Variants in MTUS2 observed in about 807,000 individuals in gnomAD.
MTUS2 encodes the protein microtubule-associated tumor suppressor candidate 2.
Under a neutral mutation model 114.1 loss-of-function variants are expected in MTUS2, and 40 were observed. The observed-to-expected ratio is 0.35, with a 90% CI of 0.27 to 0.46. The LOEUF (loss-of-function observed/expected upper bound fraction) is 0.46. Among genes scored for constraint, MTUS2 ranks in the 20% least tolerant of loss-of-function variants. MTUS2 has a pLI of 1.00. For synonymous variants in MTUS2, 688 were observed against 672.0 expected, an observed-to-expected ratio of 1.02 and a Z score of -0.37; for missense variants, 1,679 against 1,705.4, an observed-to-expected ratio of 0.98 and a Z score of 0.27.
At chr13:28,935,865 A>G (rs369792663) in intron 2 of MTUS2, among the ~76,000 whole-genome samples, 1 of 151,496 alleles carries the variant, frequency 6.6e-6, no homozygotes, top group Middle Eastern at 3.2e-3. Context: ...TCTTACCTCA[A>G]CCTCCTGAGT....
intron 4 of MTUS2, among the ~76,000 whole-genome samples, chr13:29,071,670 C>A (rs2138691128): frequency 6.6e-6 from 1 of 152,026 alleles, no homozygotes; most frequent in East Asian, 1.9e-4. Flanking sequence ...TCATGATCCG[C>A]CCGCTTTGGC....
At chr13:29,340,973 A>G (rs1488273361) in intron 7 of MTUS2, among the ~76,000 whole-genome samples, 6 of 152,072 alleles carry the variant, frequency 3.9e-5, no homozygotes, top group African/African-American at 9.7e-5. Context: ...TGTGAATGCC[A>G]TTATTTCTTT....
At chr13:29,059,008 T>C (rs760385876) in intron 4 of MTUS2, among the ~76,000 whole-genome samples, 1 of 152,144 alleles carries the variant, frequency 6.6e-6, no homozygotes, top group Non-Finnish European at 1.5e-5. Context: ...TTCAGCTTTT[T>C]CCCAAATCTT....
chr13:29,381,432 A>G (rs1872197568), intron 8 of MTUS2, among the ~76,000 whole-genome samples: 1 of 152,256 alleles, frequency 6.6e-6, no homozygotes. Context: ...TAGGTATTGC[A>G]ACTAAGAGGA....
intron 2 of MTUS2, among the ~76,000 whole-genome samples, chr13:28,926,252 A>G (rs115917523): frequency 8.5e-5 from 13 of 152,372 alleles, no homozygotes; most frequent in African/African-American, 3.1e-4. Context: ...CTTTGTTATT[A>G]AGAGAAGATG....
At chr13:28,845,580 C>T (rs765041015) in intron 2 of MTUS2, among the ~76,000 whole-genome samples, 22 of 151,964 alleles carry the variant, frequency 1.4e-4, no homozygotes, top group Non-Finnish European at 2.8e-4. Flanking sequence ...AAAAATTATC[C>T]TTTATGGTGT....
intron 6 of MTUS2, among the ~76,000 whole-genome samples, chr13:29,305,607 T>C (rs988585331): frequency 2.0e-5 from 3 of 152,168 alleles, no homozygotes; most frequent in African/African-American, 7.2e-5. Context: ...AATCCCTGAA[T>C]AGACCAATAA....
intron 5 of MTUS2, among the ~76,000 whole-genome samples, chr13:29,101,548 A>G (rs1427850996): frequency 6.6e-6 from 1 of 152,160 alleles, no homozygotes; most frequent in Non-Finnish European, 1.5e-5. Flanking sequence ...ATTTTAAAGT[A>G]TGAATGAATA....
chr13:29,332,263 C>T (rs1228665159), intron 7 of MTUS2, among the ~76,000 whole-genome samples: 8 of 152,030 alleles, frequency 5.3e-5, no homozygotes, highest in South Asian at 2.1e-4. Context: ...TTCAGGGATT[C>T]GACTTCTTCC....
intron 5 of MTUS2, among the ~76,000 whole-genome samples, chr13:29,132,615 T>C (rs1891814323): frequency 6.6e-6 from 1 of 152,210 alleles, no homozygotes; most frequent in African/African-American, 2.4e-5. Flanking sequence ...AGTATTTGTG[T>C]TTTTGTGACT....
rs1177620686 is a variant in MTUS2, at chr13:28,822,354, A to C, written c.-316+1743A>C. ...ACTGTTAAAGCCAAAATCCAGGAGGATGCCGAAACCCACTCCGGCATACGC... is the reference window on the plus strand; with the variant it reads ...ACTGTTAAAGCCAAAATCCAGGAGGCTGCCGAAACCCACTCCGGCATACGC... On this transcript the variant is annotated intron_variant, in intron 1 of 15. Transcript: ENST00000612955. 2.0e-5 allele frequency among the ~76,000 whole-genome samples: 3 copies of C among 152,206 alleles called. No individual in the cohort carries two copies. In the East Asian group the frequency reaches 5.8e-4, roughly 29 times the overall value.
intron 2 of MTUS2, among the ~76,000 whole-genome samples, chr13:28,948,054 A>T (rs1051101502): frequency 1.9e-4 from 29 of 152,220 alleles, no homozygotes; most frequent in Admixed American, 1.8e-3. Flanking sequence ...TTCAAAGATG[A>T]CAGATCATTT....
rs148345407 is a variant in MTUS2 at position 28,843,138 on chromosome 13, A to G, written c.-243+3288A>G. Among the ~76,000 whole-genome samples the G allele has an allele frequency of 7.2e-5, 11 of 152,316 alleles. No homozygotes were observed. The East Asian group carries it at 2.1e-3, about 29-fold the overall frequency. On this transcript the variant is annotated intron_variant, in intron 2 of 15. Transcript: ENST00000612955. ...GCTTTAAAATTGAGCAGAGAATTCT[A>G]TCATTAGAGGACACCAGCTGAACAA...
intron 2 of MTUS2, among the ~76,000 whole-genome samples, chr13:28,964,470 C>T (rs761576612): frequency 2.0e-4 from 30 of 152,088 alleles, no homozygotes; most frequent in Non-Finnish European, 2.8e-4. Flanking sequence ...CCAGCAGCAA[C>T]GCATCTCTAT....
At chr13:29,345,336 G>A (rs1451365589) in intron 7 of MTUS2, among the ~76,000 whole-genome samples, 2 of 151,880 alleles carry the variant, frequency 1.3e-5, no homozygotes, top group African/African-American at 4.8e-5. Context: ...AAACTTCTTG[G>A]AGGCTTTGTT....
intron 2 of MTUS2, among the ~76,000 whole-genome samples, chr13:29,010,808 A>G (rs1885806165): frequency 6.6e-6 from 1 of 152,128 alleles, no homozygotes; most frequent in African/African-American, 2.4e-5. Flanking sequence ...AGTAGACTTG[A>G]AACAGATTTA....
At chr13:29,168,888 C>CTGTGTGTGTGTGTATGTGTG (rs1555246523) in intron 5 of MTUS2, among the ~76,000 whole-genome samples, 2 of 138,382 alleles carry the variant, frequency 1.4e-5, no homozygotes, top group Non-Finnish European at 3.1e-5. Flanking sequence ...CTTTATGAAT[C>CTGTGTGTGTGTGTATGTGTG]TGTGTGTGTG....
chr13:29,022,887 T>C (rs1403481782), intron 2 of MTUS2, among the ~76,000 whole-genome samples: 1 of 152,258 alleles, frequency 6.6e-6, no homozygotes, highest in African/African-American at 2.4e-5. Flanking sequence ...TTCCTCATCA[T>C]TCATTTGGAC....
chr13:28,836,657 G>T (rs1188404918), intron 1 of MTUS2, among the ~76,000 whole-genome samples: 5 of 152,196 alleles, frequency 3.3e-5, no homozygotes, highest in Non-Finnish European at 7.4e-5. Context: ...CATCTTGGAA[G>T]AGGAGGTAGA....
Sources: gnomAD v4.1 joint callset for allele counts (sites outside exome capture counted in the v4.1 genomes callset) on GRCh38, gnomAD v4.1.1 for gene constraint, MANE v1.5 for transcripts, NCBI Gene and HGNC (gene_info 2026-07-23, HGNC 2026-07-21) for gene names.